PDE4D: variants seen among roughly 807,000 people sequenced by gnomAD.
PDE4D encodes phosphodiesterase 4D.
Under a neutral mutation model 87.4 loss-of-function variants are expected in PDE4D, and 24 were observed. The observed-to-expected ratio is 0.27, with a 90% confidence interval of 0.20 to 0.39. PDE4D has a LOEUF of 0.39. Ranked by LOEUF, PDE4D falls within the 10% of genes least tolerant of loss-of-function variation. PDE4D has a pLI of 1.00. For synonymous variants in PDE4D, 384 were observed against 383.2 expected (o/e 1.00, Z -0.02); for missense variants, 714 against 1,041.0 (o/e 0.69, Z 4.32).
chr5:59,083,275 A>C (rs1378170667), intron 5 of PDE4D, among the ~76,000 whole-genome samples: 1 of 151,922 alleles, frequency 6.6e-6, no homozygotes, highest in African/African-American at 2.4e-5. Context: ...TTAATTTCTT[A>C]TACTTAGAAT....
intron 2 of PDE4D, among the ~76,000 whole-genome samples, chr5:60,052,961 A>G (rs1481051528): frequency 6.6e-6 from 1 of 152,206 alleles, no homozygotes; most frequent in Non-Finnish European, 1.5e-5. Context: ...AGAATAAAAT[A>G]CCTAGGAATA....
chr5:59,370,885 C>T (rs1783826559), intron 1 of PDE4D, among the ~76,000 whole-genome samples: 1 of 152,180 alleles, frequency 6.6e-6, no homozygotes, highest in South Asian at 2.1e-4. Context: ...TAAGCAGCCT[C>T]TGCTCACCAG....
At chr5:59,010,909 C>T (rs1752659765) in intron 6 of PDE4D, among the ~76,000 whole-genome samples, 1 of 152,174 alleles carries the variant, frequency 6.6e-6, no homozygotes, top group Non-Finnish European at 1.5e-5. Context: ...CCAACTGACA[C>T]CTCATACAGC....
chr5:59,185,153 T>C (rs1234252470), intron 4 of PDE4D, 36 bp downstream of exon 4: 1 of 1,535,864 alleles, frequency 6.5e-7, no homozygotes, highest in South Asian at 1.1e-5. Context: ...ATTTAAAAGT[T>C]CAGCAAAAAA....
intron 1 of PDE4D, among the ~76,000 whole-genome samples, chr5:59,305,902 C>A (rs1312319334): frequency 6.6e-6 from 1 of 152,034 alleles, no homozygotes; most frequent in Non-Finnish European, 1.5e-5. Context: ...TCTGTTAAGT[C>A]CATTTGTTCC....
At chr5:59,172,283 T>C (rs1369064566) in intron 5 of PDE4D, among the ~76,000 whole-genome samples, 20 of 129,672 alleles carry the variant, frequency 1.5e-4, no homozygotes, top group Admixed American at 1.4e-3. Flanking sequence ...TTATAAGAAA[T>C]ATATATTTAT....
intron 3 of PDE4D, among the ~76,000 whole-genome samples, chr5:59,908,333 G>A (rs1174857463): frequency 1.3e-5 from 2 of 152,116 alleles, no homozygotes; most frequent in East Asian, 3.9e-4. Context: ...TAAAAAACAA[G>A]ATGGAATTAC....
intron 1 of PDE4D, among the ~76,000 whole-genome samples, chr5:59,477,348 TATA>T (rs1176667181): frequency 9.6e-6 from 1 of 103,882 alleles, no homozygotes; most frequent in Non-Finnish European, 1.9e-5. Flanking sequence ...AAACTTAGAG[TATA>T]ATAAAAAAAA....
intron 3 of PDE4D, among the ~76,000 whole-genome samples, chr5:59,965,622 C>G (rs546744346): frequency 9.9e-4 from 151 of 152,274 alleles, no homozygotes; most frequent in Non-Finnish European, 1.8e-3. Flanking sequence ...AGCATTATAA[C>G]CACTTCACCT....
intron 1 of PDE4D, among the ~76,000 whole-genome samples, chr5:60,197,060 G>GATAGATAGATAGATAT (rs1741313667): frequency 9.1e-6 from 1 of 110,452 alleles, no homozygotes; most frequent in Non-Finnish European, 1.9e-5. Flanking sequence ...TAGATAGATA[G>GATAGATAGATAGATAT]ATAGATAGAT....
At chr5:59,099,891 A>T (rs1456483652) in intron 5 of PDE4D, among the ~76,000 whole-genome samples, 2 of 152,214 alleles carry the variant, frequency 1.3e-5, no homozygotes, top group African/African-American at 4.8e-5. Context: ...GAGAACTTCT[A>T]TAATGCATAT....
At chr5:60,039,814 G>A (rs191994635) in intron 2 of PDE4D, among the ~76,000 whole-genome samples, 1 of 152,144 alleles carries the variant, frequency 6.6e-6, no homozygotes, top group Non-Finnish European at 1.5e-5. Context: ...GCCACCATCA[G>A]GAAATTCTGC....
chr5:60,126,197 T>C (rs981156233), intron 2 of PDE4D, among the ~76,000 whole-genome samples: 1 of 148,218 alleles, frequency 6.7e-6, no homozygotes, highest in African/African-American at 2.5e-5. Context: ...ATTTAGAGTT[T>C]TGCTAAAAAA....
chr5:59,177,390 A>C (rs1266408160), intron 5 of PDE4D, among the ~76,000 whole-genome samples: 1 of 152,220 alleles, frequency 6.6e-6, no homozygotes, highest in African/African-American at 2.4e-5. Flanking sequence ...CTATGTATAC[A>C]GTGGGCCCTA....
rs756969208 is a variant in PDE4D at position 59,586,423 on chromosome 5, A to G, written c.455+306745T>C. On this transcript the variant is annotated intron_variant, in intron 1 of 14. Coordinates refer to ENST00000340635, the MANE Select transcript of PDE4D (RefSeq NM_001104631.2). ...ATATTTTTCTTGTCTCCTACGTTAC[A>G]TGTAGTGATTTTTACAGATGAATTC... 7 of 1,597,044 alleles carry G rather than the reference A, an allele frequency of 4.4e-6. No homozygotes were observed. The South Asian group carries it at 5.7e-5, about 13-fold the overall frequency.
chr5:59,938,062 CTT>C (rs1328313278), intron 3 of PDE4D, among the ~76,000 whole-genome samples: 1 of 152,196 alleles, frequency 6.6e-6, no homozygotes, highest in Non-Finnish European at 1.5e-5. Context: ...AACAGCATGA[CTT>C]TTCCTTTTCC....
rs371356368 is a variant in PDE4D at position 60,077,301 on chromosome 5, G to A, written c.43-88584C>T. On this transcript the variant is annotated intron_variant, in intron 2 of 16. Transcript: ENST00000502484. ...TGGTGGGGTAAGGAAGGCAAAGTCTGCCCATGCAAATACATGGTGGCAAAG... is the reference window on the plus strand; with the variant it reads ...TGGTGGGGTAAGGAAGGCAAAGTCTACCCATGCAAATACATGGTGGCAAAG... Among the ~76,000 whole-genome samples the A allele has an allele frequency of 1.2e-4, 18 of 152,312 alleles. No individual in the cohort carries two copies. In the South Asian group the frequency reaches 2.5e-3, roughly 21 times the overall value.
Position 60,337,351 on chromosome 5 carries a change from CTATATATATATATATATATATATATA to C in PDE4D, c.-90+150565_-90+150590del, listed in dbSNP as rs748923956. ...TTGTCTCAAAAAACAAACAAACAAA[CTATATATATATATATATATATATATA>C]TATATATATATACACACACACACAC... is the stretch of plus-strand genomic sequence containing the variant. On this transcript the variant is annotated intron_variant, in intron 1 of 16. Coordinates refer to the PDE4D transcript ENST00000502484. Among the ~76,000 whole-genome samples, 6 of 62,260 alleles carry C rather than the reference CTATATATATATATATATATATATATA, an allele frequency of 9.6e-5. No individual in the cohort carries two copies. The South Asian group carries it at 6.5e-3, about 67-fold the overall frequency. 40.8% of individuals were successfully genotyped at this position (62,260 alleles called of 152,430 possible).
At chr5:59,730,747 T>C (rs1757256378) in intron 1 of PDE4D, among the ~76,000 whole-genome samples, 1 of 152,166 alleles carries the variant, frequency 6.6e-6, no homozygotes, top group Admixed American at 6.6e-5. Flanking sequence ...AGATCAATTA[T>C]TGTAGTCATG....
Sources: allele counts gnomAD v4.1 joint callset (sites outside exome capture counted in the v4.1 genomes callset), GRCh38; gene constraint gnomAD v4.1.1; transcripts MANE v1.5; gene names NCBI Gene and HGNC (gene_info 2026-07-23, HGNC 2026-07-21).